ZNF385D: variants seen among roughly 807,000 people sequenced by gnomAD.
The protein encoded by ZNF385D is zinc finger protein 385D.
ZNF385D carries 15 observed loss-of-function variants against 35.8 expected under a neutral mutation model. That is an observed-to-expected ratio of 0.42 (90% CI 0.28 to 0.64). ZNF385D has a LOEUF of 0.64. Among genes scored for constraint, ZNF385D ranks in the 30% least tolerant of loss-of-function variants. The pLI is 0.23. For missense variants in ZNF385D, 474 were observed against 494.6 expected (o/e 0.96, Z 0.39); for synonymous variants, 212 against 186.8 (o/e 1.13, Z -1.10).
chr3:22,372,522 T>C (rs1045405349), exon 2 of ZNF385D: 11 of 985,804 alleles, frequency 1.1e-5, no homozygotes, highest in Admixed American at 6.1e-5. Flanking sequence ...TTCATTCTCC[T>C]GCTGGCGGCC....
chr3:21,802,968 C>A (rs764266584), intron 3 of ZNF385D, among the ~76,000 whole-genome samples: 2 of 152,058 alleles, frequency 1.3e-5, no homozygotes, highest in African/African-American at 4.8e-5. Context: ...AAGAGAAGAA[C>A]GAGTGGAAAT....
chr3:22,006,781 G>A (rs1286213216), intron 3 of ZNF385D, among the ~76,000 whole-genome samples: 1 of 151,698 alleles, frequency 6.6e-6, no homozygotes, highest in African/African-American at 2.4e-5. Context: ...ATATAAATGA[G>A]CTTATAAAGA....
At chr3:22,101,150 A>C (rs1701920762) in intron 3 of ZNF385D, among the ~76,000 whole-genome samples, 1 of 152,014 alleles carries the variant, frequency 6.6e-6, no homozygotes, top group Non-Finnish European at 1.5e-5. Flanking sequence ...TTTTTACAAA[A>C]ATAAATAAGT....
chr3:22,298,502 A>G (rs1702727351), intron 2 of ZNF385D, among the ~76,000 whole-genome samples: 1 of 146,120 alleles, frequency 6.8e-6, no homozygotes, highest in East Asian at 2.0e-4. Flanking sequence ...ATATATAAAT[A>G]TACATAAAAC....
intron 1 of ZNF385D, among the ~76,000 whole-genome samples, chr3:21,724,934 T>C (rs527920008): frequency 6.6e-6 from 1 of 152,114 alleles, no homozygotes; most frequent in Non-Finnish European, 1.5e-5. Context: ...TAATTGGAAG[T>C]AAAACACCCT....
intron 2 of ZNF385D, among the ~76,000 whole-genome samples, chr3:22,202,100 C>A (rs185003451): frequency 6.6e-6 from 1 of 151,984 alleles, no homozygotes; most frequent in African/African-American, 2.4e-5. Context: ...TGATTATTTG[C>A]CTTTCTTTAG....
At chr3:22,354,064 T>A (rs1021276938) in intron 2 of ZNF385D, among the ~76,000 whole-genome samples, 3 of 152,122 alleles carry the variant, frequency 2.0e-5, no homozygotes. Context: ...ACCATAGCTC[T>A]GTTAACTCCA....
At chr3:22,199,698 T>C (rs946907084) in intron 2 of ZNF385D, among the ~76,000 whole-genome samples, 11 of 152,104 alleles carry the variant, frequency 7.2e-5, no homozygotes, top group Non-Finnish European at 1.2e-4. Flanking sequence ...AAATTTTAAG[T>C]CAATTTCCTA....
chr3:22,132,551 T>C (rs948326605), intron 3 of ZNF385D, among the ~76,000 whole-genome samples: 1 of 152,112 alleles, frequency 6.6e-6, no homozygotes, highest in African/African-American at 2.4e-5. Context: ...TGCAAAAAAT[T>C]AGCCCAAATT....
intron 1 of ZNF385D, among the ~76,000 whole-genome samples, chr3:21,735,343 C>A (rs1226411754): frequency 1.3e-5 from 2 of 152,158 alleles, no homozygotes; most frequent in African/African-American, 4.8e-5. Flanking sequence ...AGGAAGTAGT[C>A]AACAGATCTG....
chr3:22,158,679 TACAC>T (rs141782698), intron 3 of ZNF385D, among the ~76,000 whole-genome samples: 12,667 of 149,886 alleles, frequency 0.085, 712 homozygotes, highest in Middle Eastern at 0.16. Flanking sequence ...CACACACACA[TACAC>T]ACACACACAC....
intron 3 of ZNF385D, among the ~76,000 whole-genome samples, chr3:22,133,101 T>C (rs917930485): frequency 6.6e-6 from 1 of 152,302 alleles, no homozygotes; most frequent in Middle Eastern, 3.4e-3. Context: ...AATTTATCTC[T>C]TTTAATAAAA....
intron 2 of ZNF385D, among the ~76,000 whole-genome samples, chr3:22,359,062 AAAC>A (rs869110752): frequency 4.1e-5 from 6 of 146,620 alleles, no homozygotes; most frequent in Non-Finnish European, 6.0e-5. Flanking sequence ...ACAAACAAAC[AAAC>A]AAAAAAACCA....
At position 21,846,967 on chromosome 3, in the gene ZNF385D, T is replaced by C. The variant is rs193182791; in HGVS notation, c.326-181939A>G. Among the ~76,000 whole-genome samples, 4 of 152,180 alleles carry C rather than the reference T, an allele frequency of 2.6e-5. No individual in the cohort carries two copies. The East Asian group carries it at 7.8e-4, about 30-fold the overall frequency. Reference sequence around the variant, plus strand: ...ATGAAGCTATGGCATAAAAAGGTCATGTAACTAGTCAGAGGTAAAGTAAAA... The same window carrying C: ...ATGAAGCTATGGCATAAAAAGGTCACGTAACTAGTCAGAGGTAAAGTAAAA... On this transcript the variant is annotated intron_variant, in intron 3 of 5. Coordinates refer to the ZNF385D transcript ENST00000494108.
At chr3:22,322,070 T>C (rs1428166466) in intron 2 of ZNF385D, among the ~76,000 whole-genome samples, 1 of 152,188 alleles carries the variant, frequency 6.6e-6, no homozygotes, top group Admixed American at 6.5e-5. Flanking sequence ...CATTTAGGTC[T>C]CAGCTGTCAC....
intron 2 of ZNF385D, among the ~76,000 whole-genome samples, chr3:22,199,878 A>G (rs777060273): frequency 2.6e-5 from 4 of 152,136 alleles, no homozygotes; most frequent in Non-Finnish European, 5.9e-5. Flanking sequence ...AATTTTATAA[A>G]AAGAGACCCA....
intron 2 of ZNF385D, among the ~76,000 whole-genome samples, chr3:22,176,627 G>A (rs1559429764): frequency 1.3e-5 from 2 of 152,116 alleles, no homozygotes; most frequent in South Asian, 2.1e-4. Flanking sequence ...AGCCCAGAGT[G>A]GCAGAATGAG....
At chr3:22,069,407 C>T (rs73139324) in intron 3 of ZNF385D, among the ~76,000 whole-genome samples, 23,429 of 151,992 alleles carry the variant, frequency 0.15, 2,651 homozygotes, top group African/African-American at 0.32. Flanking sequence ...GTGTTGGCCT[C>T]GGGGTGGGGA....
intron 2 of ZNF385D, among the ~76,000 whole-genome samples, chr3:22,180,358 A>G (rs1446239166): frequency 6.6e-6 from 1 of 152,238 alleles, no homozygotes; most frequent in Non-Finnish European, 1.5e-5. Context: ...ACACAGGTAC[A>G]AGGAGGAGCT....
Sources: allele counts gnomAD v4.1 joint callset (sites outside exome capture counted in the v4.1 genomes callset), GRCh38; gene constraint gnomAD v4.1.1; transcripts MANE v1.5; gene names NCBI Gene and HGNC (gene_info 2026-07-23, HGNC 2026-07-21).